Variants in PID1 observed in about 807,000 individuals in gnomAD.
The protein encoded by PID1 is PTB-containing, cubilin and LRP1-interacting protein.
Under a neutral mutation model 19.1 loss-of-function variants are expected in PID1, and 10 were observed. The observed-to-expected ratio is 0.52, with a 90% CI of 0.32 to 0.89. The LOEUF (loss-of-function observed/expected upper bound fraction) is 0.89, where lower values mean the gene tolerates loss of function less well. Ranked by LOEUF, PID1 falls within the 40% of genes least tolerant of loss-of-function variation. PID1 has a pLI of 0.03. For missense variants in PID1, 248 were observed against 285.3 expected (o/e 0.87, Z 0.94); for synonymous variants, 130 against 116.0 (o/e 1.12, Z -0.78).
At chr2:229,132,236 A>G (rs115447145) in intron 2 of PID1, among the ~76,000 whole-genome samples, 8 of 152,342 alleles carry the variant, frequency 5.3e-5, no homozygotes, top group South Asian at 2.1e-4. Context: ...CATGGCTCCA[A>G]TGAGCTTCTG....
intron 2 of PID1, among the ~76,000 whole-genome samples, chr2:229,108,977 T>G (rs1695233989): frequency 6.6e-6 from 1 of 152,180 alleles, no homozygotes; most frequent in African/African-American, 2.4e-5. Context: ...TTCTATGAAT[T>G]AGATTTTATG....
intron 1 of PID1, among the ~76,000 whole-genome samples, chr2:229,212,523 G>T (rs1355273375): frequency 6.6e-6 from 1 of 152,160 alleles, no homozygotes; most frequent in African/African-American, 2.4e-5. Context: ...GCTGGATTTG[G>T]AGAAGTGTCC....
chr2:229,131,302 C>T (rs1689735914), intron 2 of PID1, among the ~76,000 whole-genome samples: 1 of 151,762 alleles, frequency 6.6e-6, no homozygotes, highest in African/African-American at 2.4e-5. Context: ...GCGATCTCAG[C>T]TCACTGCAGC....
intron 2 of PID1, among the ~76,000 whole-genome samples, chr2:229,044,325 G>A (rs540767996): frequency 1.5e-4 from 23 of 151,954 alleles, no homozygotes; most frequent in Admixed American, 3.3e-4. Flanking sequence ...ATACAGAGGC[G>A]GATCATTGAC....
intron 2 of PID1, among the ~76,000 whole-genome samples, chr2:229,035,795 G>T (rs1171187458): frequency 6.6e-6 from 1 of 152,076 alleles, no homozygotes; most frequent in African/African-American, 2.4e-5. Flanking sequence ...TGAGACCAAG[G>T]CCTAGTCAGG....
chr2:229,139,781 C>G (rs569049846), intron 2 of PID1, among the ~76,000 whole-genome samples: 91 of 152,210 alleles, frequency 6.0e-4, no homozygotes, highest in Non-Finnish European at 1.1e-3. Context: ...CTTATCTCTC[C>G]CTTGATATAA....
chr2:229,256,362 G>T (rs892526537), intron 1 of PID1, among the ~76,000 whole-genome samples: 2 of 152,194 alleles, frequency 1.3e-5, no homozygotes, highest in Admixed American at 6.5e-5. Flanking sequence ...TTTATATATT[G>T]AAGGAGCCGA....
chr2:229,177,487 C>G (rs1235241543), intron 1 of PID1, among the ~76,000 whole-genome samples: 1 of 152,082 alleles, frequency 6.6e-6, no homozygotes, highest in Non-Finnish European at 1.5e-5. Context: ...TTGCTTTTCT[C>G]ATTCTCTCAA....
intron 1 of PID1, among the ~76,000 whole-genome samples, chr2:229,223,201 C>G (rs1051879336): frequency 6.6e-6 from 1 of 152,178 alleles, no homozygotes; most frequent in African/African-American, 2.4e-5. Flanking sequence ...TACCAAGGGC[C>G]TAGTAATTTC....
chr2:229,102,566 C>G (rs1164631754), intron 2 of PID1, among the ~76,000 whole-genome samples: 1 of 152,192 alleles, frequency 6.6e-6, no homozygotes, highest in Non-Finnish European at 1.5e-5. Flanking sequence ...AAATGGAAGA[C>G]TGACACCAGA....
intron 2 of PID1, among the ~76,000 whole-genome samples, chr2:229,133,869 G>C (rs953675389): frequency 6.6e-6 from 1 of 151,876 alleles, no homozygotes; most frequent in Non-Finnish European, 1.5e-5. Flanking sequence ...TGCCATGTTG[G>C]TGTGTTGCAC....
chr2:229,177,534 G>A (rs1193014943), intron 1 of PID1, among the ~76,000 whole-genome samples: 1 of 151,540 alleles, frequency 6.6e-6, no homozygotes, highest in Non-Finnish European at 1.5e-5. Context: ...CTCCTTATTT[G>A]CACTGATTTC....
At chr2:229,072,273 A>C (rs1694470294) in intron 2 of PID1, among the ~76,000 whole-genome samples, 1 of 152,202 alleles carries the variant, frequency 6.6e-6, no homozygotes, top group Non-Finnish European at 1.5e-5. Context: ...CATAATGTTA[A>C]TATCAGGAGG....
At chr2:229,130,389 ACT>A (rs1310498836) in intron 2 of PID1, among the ~76,000 whole-genome samples, 7 of 152,192 alleles carry the variant, frequency 4.6e-5, no homozygotes, top group African/African-American at 9.7e-5. Flanking sequence ...AGAAAAGGAA[ACT>A]CTGCCTTTCT....
intron 2 of PID1, among the ~76,000 whole-genome samples, chr2:229,109,662 C>T (rs139955059): frequency 5.3e-5 from 8 of 152,296 alleles, no homozygotes; most frequent in South Asian, 2.1e-4. Context: ...ATATTGTCTA[C>T]TTTTGTTACA....
intron 2 of PID1, among the ~76,000 whole-genome samples, chr2:229,137,602 CTGTAA>C (rs1689882976): frequency 6.6e-6 from 1 of 151,968 alleles, no homozygotes; most frequent in Non-Finnish European, 1.5e-5. Context: ...AGGTAATGCA[CTGTAA>C]AGTAAATCAA....
intron 1 of PID1, among the ~76,000 whole-genome samples, chr2:229,233,358 C>T (rs2106269220): frequency 6.6e-6 from 1 of 150,922 alleles, no homozygotes; most frequent in Middle Eastern, 3.4e-3. Context: ...ATCATAAGGT[C>T]TTTTGAACTA....
rs113053950 is a variant in PID1 at position 229,225,833 on chromosome 2, G to A, written c.30+45181C>T. On this transcript the variant is annotated intron_variant, in intron 1 of 2. Transcript: ENST00000392055. ...GTTCCCTATAAAACCATCAGATCTC[G>A]TGAGAACTAACTCACTATCATGAGA... Among the ~76,000 whole-genome samples the A allele has an allele frequency of 5.9e-3, 902 of 152,236 alleles. 13 individuals carry two copies. Among genetic ancestry groups the A allele is most frequent in the African/African-American group, 0.02 (823 of 41,556 alleles).
At position 229,024,338 on chromosome 2, in the gene PID1, C is replaced by A. The variant is rs902621433; in HGVS notation, c.*1294G>T. On this transcript the variant is annotated 3_prime_UTR_variant, in exon 3 of 3. Coordinates refer to ENST00000392055, the MANE Select transcript of PID1 (RefSeq NM_001100818.2). ...CAGCATTACTTCGAAAAGTAGTCAT[C>A]TGCTCTTGTCCTCCAATGTGTGTAT... is the stretch of plus-strand genomic sequence containing the variant. 6 of 152,422 alleles carry A rather than the reference C, an allele frequency of 3.9e-5. No homozygotes were observed. The allele number at this position is 152,422 out of a possible 1,614,324, so 9.4% of individuals were successfully genotyped here.
Sources: allele counts gnomAD v4.1 joint callset (sites outside exome capture counted in the v4.1 genomes callset), GRCh38; gene constraint gnomAD v4.1.1; transcripts MANE v1.5; gene names NCBI Gene and HGNC (gene_info 2026-07-23, HGNC 2026-07-21).